Variants in BNC2 observed in about 807,000 individuals in gnomAD.
The protein encoded by BNC2 is basonuclin zinc finger protein 2, also known as zinc finger protein basonuclin-2.
BNC2 carries 20 observed loss-of-function variants against 76.3 expected under a neutral mutation model. The observed-to-expected ratio is 0.26, with a 90% confidence interval of 0.18 to 0.38. The LOEUF is 0.38. Ranked by LOEUF, BNC2 falls within the 10% of genes least tolerant of loss-of-function variation. BNC2 has a pLI of 1.00. For synonymous variants in BNC2, 582 were observed against 514.8 expected (o/e 1.13, Z -1.77); for missense variants, 1,382 against 1,399.8 (o/e 0.99, Z 0.20).
At chr9:16,429,977 G>A (rs1373447207) in intron 6 of BNC2, 2 of 515,272 alleles carry the variant, frequency 3.9e-6, no homozygotes, top group Middle Eastern at 3.2e-4. Flanking sequence ...AGACCGTTTT[G>A]CTCATTGCTC....
At chr9:16,631,999 A>C (rs1222189259) in intron 3 of BNC2, among the ~76,000 whole-genome samples, 3 of 152,180 alleles carry the variant, frequency 2.0e-5, no homozygotes, top group Non-Finnish European at 4.4e-5. Flanking sequence ...TGGGGCAATA[A>C]GGCTGAGGCA....
intron 3 of BNC2, among the ~76,000 whole-genome samples, chr9:16,607,118 TAA>T (rs55995789): frequency 7.5e-5 from 11 of 146,558 alleles, no homozygotes; most frequent in South Asian, 2.2e-4. Context: ...TGGCTGACTT[TAA>T]AAAAAAAAAA....
intron 4 of BNC2, among the ~76,000 whole-genome samples, chr9:16,566,289 G>A (rs1329954157): frequency 1.3e-5 from 2 of 152,154 alleles, no homozygotes; most frequent in African/African-American, 2.4e-5. Context: ...ACACAGTTAA[G>A]TGTATATAAT....
intron 1 of BNC2, among the ~76,000 whole-genome samples, chr9:16,791,581 C>T (rs974132502): frequency 1.3e-5 from 2 of 152,152 alleles, no homozygotes; most frequent in African/African-American, 4.8e-5. Context: ...CACCTTCTGA[C>T]TGATAACATC....
chr9:16,478,566 T>C (rs1462263630), intron 5 of BNC2, among the ~76,000 whole-genome samples: 1 of 152,246 alleles, frequency 6.6e-6, no homozygotes, highest in Non-Finnish European at 1.5e-5. Context: ...ATCTATAACC[T>C]AATTTCTGAT....
chr9:16,834,965 A>T (rs1201816041), intron 1 of BNC2, among the ~76,000 whole-genome samples: 2 of 152,148 alleles, frequency 1.3e-5, no homozygotes, highest in Non-Finnish European at 2.9e-5. Context: ...TTCAGTGTTC[A>T]CTGGGATCCA....
chr9:16,628,828 C>A (rs767985099), intron 3 of BNC2, among the ~76,000 whole-genome samples: 4 of 152,180 alleles, frequency 2.6e-5, no homozygotes, highest in Non-Finnish European at 5.9e-5. Context: ...ACTGGATAAT[C>A]ATTGCTGTTA....
intron 5 of BNC2, among the ~76,000 whole-genome samples, chr9:16,484,826 G>T (rs1466526087): frequency 6.6e-6 from 1 of 152,202 alleles, no homozygotes; most frequent in African/African-American, 2.4e-5. Flanking sequence ...GCCAGGCACA[G>T]ACTATAAAGA....
chr9:16,684,952 C>CAT (rs1750372754), intron 3 of BNC2, among the ~76,000 whole-genome samples: 1 of 151,774 alleles, frequency 6.6e-6, no homozygotes, highest in South Asian at 2.1e-4. Context: ...CACCACAAGA[C>CAT]ATATCTTCCA....
chr9:16,706,795 G>C (rs1409046809), intron 3 of BNC2, among the ~76,000 whole-genome samples: 3 of 152,170 alleles, frequency 2.0e-5, no homozygotes, highest in Non-Finnish European at 4.4e-5. Flanking sequence ...TACTTGACTG[G>C]GGGGAGGGGA....
At chr9:16,606,140 T>C (rs1372945228) in intron 3 of BNC2, among the ~76,000 whole-genome samples, 1 of 152,194 alleles carries the variant, frequency 6.6e-6, no homozygotes, top group Non-Finnish European at 1.5e-5. Context: ...GAGTCCTAAG[T>C]AAGAGAAGTA....
At chr9:16,563,592 C>G (rs1466703669) in intron 4 of BNC2, among the ~76,000 whole-genome samples, 1 of 152,136 alleles carries the variant, frequency 6.6e-6, no homozygotes, top group Non-Finnish European at 1.5e-5. Context: ...GCAAACCAAT[C>G]AAGTGCTGTG....
intron 1 of BNC2, among the ~76,000 whole-genome samples, chr9:16,801,555 G>C (rs571138637): frequency 6.6e-6 from 1 of 151,918 alleles, no homozygotes; most frequent in Non-Finnish European, 1.5e-5. Flanking sequence ...ACCTTTAAAT[G>C]CTGTACTTTA....
intron 3 of BNC2, among the ~76,000 whole-genome samples, chr9:16,678,895 T>A (rs1413276595): frequency 6.6e-6 from 1 of 152,154 alleles, no homozygotes; most frequent in Non-Finnish European, 1.5e-5. Context: ...AAATCAGTGT[T>A]CACTGATTGT....
intron 1 of BNC2, among the ~76,000 whole-genome samples, chr9:16,833,797 CATTTAGAGTAGTA>C (rs1400516323): frequency 6.6e-6 from 1 of 152,166 alleles, no homozygotes. Context: ...CTCCTCATTT[CATTTAGAGTAGTA>C]ACTCTTGGTC....
intron 5 of BNC2, among the ~76,000 whole-genome samples, chr9:16,476,397 T>C (rs1821928317): frequency 6.6e-6 from 1 of 152,108 alleles, no homozygotes; most frequent in Non-Finnish European, 1.5e-5. Flanking sequence ...TGGCCAGTTC[T>C]TTCAGCAGGC....
chr9:16,544,701 T>A (rs2132426018), intron 5 of BNC2, among the ~76,000 whole-genome samples: 1 of 151,288 alleles, frequency 6.6e-6, no homozygotes, highest in Non-Finnish European at 1.5e-5. Flanking sequence ...CACCTGTAAT[T>A]TAGGAGGCTG....
chr9:16,524,755 C>G (rs1817740548), intron 5 of BNC2, among the ~76,000 whole-genome samples: 1 of 152,080 alleles, frequency 6.6e-6, no homozygotes, highest in Non-Finnish European at 1.5e-5. Flanking sequence ...AATAACAATC[C>G]TGGCTGAAAA....
intron 3 of BNC2, among the ~76,000 whole-genome samples, chr9:16,682,908 A>G (rs1822867254): frequency 6.6e-6 from 1 of 152,232 alleles, no homozygotes; most frequent in Non-Finnish European, 1.5e-5. Flanking sequence ...GCAATTAAGG[A>G]GAGTCTAAAT....
Sources: gnomAD v4.1 joint callset for allele counts (sites outside exome capture counted in the v4.1 genomes callset) on GRCh38, gnomAD v4.1.1 for gene constraint, MANE v1.5 for transcripts, NCBI Gene and HGNC (gene_info 2026-07-23, HGNC 2026-07-21) for gene names.